Variants in LTBP1 observed in about 807,000 individuals in gnomAD.
LTBP1 encodes latent transforming growth factor beta binding protein 1, also known as latent-transforming growth factor beta-binding protein 1.
A neutral mutation model predicts 207.6 loss-of-function variants in LTBP1; 129 were observed. The observed-to-expected ratio is 0.62, with a 90% CI of 0.54 to 0.72. The LOEUF (loss-of-function observed/expected upper bound fraction) is 0.72, where lower values mean the gene tolerates loss of function less well. Among genes scored for constraint, LTBP1 ranks in the 30% least tolerant of loss-of-function variants. The probability of loss-of-function intolerance (pLI) is 0.00; values close to 1 mark genes in which losing one functional copy is unlikely to be tolerated. For synonymous variants in LTBP1, 963 were observed against 833.7 expected, an observed-to-expected ratio of 1.16 and a Z score of -2.67; for missense variants, 2,281 against 2,217.2, an observed-to-expected ratio of 1.03 and a Z score of -0.58.
chr2:33,162,915 C>A (rs2084587795), intron 5 of LTBP1, among the ~76,000 whole-genome samples: 1 of 152,152 alleles, frequency 6.6e-6, no homozygotes, highest in East Asian at 1.9e-4. Flanking sequence ...AGGCAAAGGG[C>A]TCTGGGAAAG....
At chr2:33,301,487 A>C in intron 21 of LTBP1, 35 bp from the exon 22 acceptor site, 1 of 1,536,334 alleles carries the variant, frequency 6.5e-7, no homozygotes, top group South Asian at 1.3e-5. Context: ...TTGAAGCACC[A>C]CTTCCACAGT....
At chr2:33,266,700 G>T (rs764531556) in intron 15 of LTBP1, among the ~76,000 whole-genome samples, 1 of 152,138 alleles carries the variant, frequency 6.6e-6, no homozygotes, top group Non-Finnish European at 1.5e-5. Context: ...GGTCTCCTCA[G>T]CTTTTCAGGA....
At chr2:33,319,748 G>GC (rs2149317838) in intron 24 of LTBP1, among the ~76,000 whole-genome samples, 1 of 152,248 alleles carries the variant, frequency 6.6e-6, no homozygotes, top group Admixed American at 6.5e-5. Flanking sequence ...TGATACAGCG[G>GC]CCATGTTCAT....
chr2:33,195,038 A>C (rs958285524), intron 7 of LTBP1, among the ~76,000 whole-genome samples: 2 of 152,242 alleles, frequency 1.3e-5, no homozygotes, highest in Non-Finnish European at 2.9e-5. Flanking sequence ...TAAGACCACT[A>C]TTGAGAACTG....
intron 8 of LTBP1, among the ~76,000 whole-genome samples, chr2:33,220,216 TC>T (rs1294910037): frequency 1.3e-5 from 2 of 152,232 alleles, no homozygotes; most frequent in Non-Finnish European, 2.9e-5. Context: ...GTCACATTCT[TC>T]CTGTGTCATT....
Position 33,389,398 on chromosome 2 carries a change from C to T in LTBP1, c.4834+92C>T. 7.1e-6 allele frequency: 11 copies of T among 1,540,936 alleles called. No individual in the cohort carries two copies. In the South Asian group the frequency reaches 1.3e-4, roughly 18 times the overall value. ...ATGTAATGGCAACTTGTTAGCAATG[C>T]AGCATTTCTGGTCCCACCCCAGACC... On this transcript the variant is annotated intron_variant, in intron 32 of 33. Transcript: ENST00000404816.
intron 25 of LTBP1, among the ~76,000 whole-genome samples, chr2:33,343,476 T>A (rs1478564141): frequency 6.6e-6 from 1 of 151,566 alleles, no homozygotes; most frequent in Non-Finnish European, 1.5e-5. Context: ...TATAAAAGTA[T>A]GACTTTACAT....
intron 5 of LTBP1, among the ~76,000 whole-genome samples, chr2:33,173,194 CA>C (rs1392267285): frequency 6.6e-6 from 1 of 151,888 alleles, no homozygotes; most frequent in East Asian, 1.9e-4. Flanking sequence ...AAAAACCCTT[CA>C]AAAAATTAAT....
intron 2 of LTBP1, among the ~76,000 whole-genome samples, chr2:33,016,785 G>A (rs901639301): frequency 7.2e-5 from 11 of 152,238 alleles, no homozygotes; most frequent in African/African-American, 2.4e-4. Context: ...CACTTTGGGA[G>A]GCTGAAGTGG....
intron 2 of LTBP1, among the ~76,000 whole-genome samples, chr2:32,971,371 G>T (rs1680856469): frequency 1.3e-5 from 2 of 152,186 alleles, no homozygotes; most frequent in East Asian, 1.9e-4. Context: ...TCTTGTTCTA[G>T]TTCTCAAGGG....
intron 20 of LTBP1, among the ~76,000 whole-genome samples, chr2:33,295,155 T>C (rs2093850243): frequency 6.6e-6 from 1 of 152,162 alleles, no homozygotes; most frequent in African/African-American, 2.4e-5. Context: ...TTTATATTTG[T>C]TTTTAAAATT....
At position 33,382,111 on chromosome 2, in the gene LTBP1, T is replaced by TTTTG. The variant is rs1553316521; in HGVS notation, c.4712-7072_4712-7071insTTGT. On this transcript the variant is annotated intron_variant, in intron 31 of 33. Transcript: ENST00000404816. ...TTTTTTTTTTTTTTTTTTTTTTTTTTTGAGACAGAGTCTCGCTCTGTTGCC... is the reference window on the plus strand; with the variant it reads ...TTTTTTTTTTTTTTTTTTTTTTTTTTTTTGTGAGACAGAGTCTCGCTCTGTTGCC... 4.1e-4 allele frequency among the ~76,000 whole-genome samples: 42 copies of TTTTG among 103,652 alleles called. 15 individuals carry two copies. Among genetic ancestry groups the TTTTG allele is most frequent in the African/African-American group, 1.9e-3 (40 of 20,682 alleles). The allele number at this position is 103,652 out of a possible 152,430, so 68.0% of individuals were successfully genotyped here.
chr2:33,090,643 G>C (rs1050894073), intron 3 of LTBP1, among the ~76,000 whole-genome samples: 4 of 152,126 alleles, frequency 2.6e-5, no homozygotes, highest in Admixed American at 6.5e-5. Flanking sequence ...GTGTAACTAG[G>C]GGGTAGGGAG....
In LTBP1 at chr2:33,136,628, C is replaced by T. The variant is rs537924570; in HGVS notation, c.1201+1668C>T. ...CCTTCCTTACTCACTGCTCCTTTCC[C>T]TCCTTGTGTTTATTGTAAATCTTTA... On this transcript the variant is annotated intron_variant, in intron 5 of 33. Transcript: ENST00000404816. 2.6e-5 allele frequency among the ~76,000 whole-genome samples: 4 copies of T among 152,220 alleles called. No homozygotes were observed. In the South Asian group the frequency reaches 8.3e-4, roughly 32 times the overall value.
At chr2:32,975,031 A>G (rs1380780178) in intron 2 of LTBP1, among the ~76,000 whole-genome samples, 2 of 152,152 alleles carry the variant, frequency 1.3e-5, no homozygotes, top group Admixed American at 6.5e-5. Flanking sequence ...TCATTTCTGT[A>G]TTTAGCACTC....
chr2:33,205,141 C>T (rs1318134806), intron 7 of LTBP1, among the ~76,000 whole-genome samples: 1 of 152,198 alleles, frequency 6.6e-6, no homozygotes, highest in East Asian at 1.9e-4. Context: ...GAATGAATAA[C>T]CTATACTTGT....
intron 20 of LTBP1, among the ~76,000 whole-genome samples, chr2:33,295,540 G>GATAATA (rs552076117): frequency 1.3e-5 from 2 of 151,294 alleles, no homozygotes; most frequent in Non-Finnish European, 2.9e-5. Flanking sequence ...TCTCAATGAT[G>GATAATA]ATAATAATAA....
In LTBP1 at chr2:33,331,038, G is replaced by A. The variant is rs1210230893; in HGVS notation, c.3731-11800G>A. On this transcript the variant is annotated intron_variant, in intron 24 of 33. Transcript: ENST00000404816. ...AATTTATCCATTTGGGTAAAATTTC[G>A]TTTTTATTTGCACAAAATTATTTAT... 4.0e-5 allele frequency among the ~76,000 whole-genome samples: 6 copies of A among 151,652 alleles called. No individual in the cohort carries two copies. In the East Asian group the frequency reaches 5.8e-4, roughly 15 times the overall value.
In LTBP1 at chr2:33,164,647, C is replaced by A. The variant is rs140910564; in HGVS notation, c.1202-22209C>A. 2.1e-3 allele frequency among the ~76,000 whole-genome samples: 320 copies of A among 152,202 alleles called. 1 individual carries two copies. The highest frequency in any genetic ancestry group is 6.8e-3 in the Middle Eastern group (2 of 294). On this transcript the variant is annotated intron_variant, in intron 5 of 33. Coordinates refer to ENST00000404816, the MANE Select transcript of LTBP1 (RefSeq NM_206943.4). The stretch of plus-strand genomic sequence containing the variant: ...ATAAAAAATGACCCAAAAAGCTCTA[C>A]TGGGAAAAATACTCTTAATTGATCC...
Sources: allele counts gnomAD v4.1 joint callset (sites outside exome capture counted in the v4.1 genomes callset), GRCh38; gene constraint gnomAD v4.1.1; transcripts MANE v1.5; gene names NCBI Gene and HGNC (gene_info 2026-07-23, HGNC 2026-07-21).